The following TRHDE variants were observed in gnomAD, a reference collection of about 807,000 sequenced individuals.
The protein encoded by TRHDE is thyrotropin releasing hormone degrading enzyme.
A neutral mutation model predicts 125.7 loss-of-function variants in TRHDE; 72 were observed. The observed-to-expected ratio is 0.57, with a 90% CI of 0.47 to 0.70. TRHDE has a LOEUF of 0.70. Among genes scored for constraint, TRHDE ranks in the 30% least tolerant of loss-of-function variants. TRHDE has a pLI of 0.00. For synonymous variants in TRHDE, 509 were observed against 509.1 expected, an observed-to-expected ratio of 1.00 and a Z score of 0.00; for missense variants, 1,110 against 1,327.1, an observed-to-expected ratio of 0.84 and a Z score of 2.54.
intron 1 of TRHDE, among the ~76,000 whole-genome samples, chr12:72,088,743 A>G (rs540401955): frequency 6.6e-6 from 1 of 152,046 alleles, no homozygotes; most frequent in Admixed American, 6.5e-5. Context: ...CCGGGCTTTT[A>G]TTATTGAAGC....
intron 12 of TRHDE, among the ~76,000 whole-genome samples, chr12:72,604,359 G>A (rs1292175744): frequency 1.3e-5 from 2 of 151,998 alleles, no homozygotes; most frequent in Non-Finnish European, 2.9e-5. Context: ...GCCAGTTTCT[G>A]TCATTTTATC....
At chr12:72,660,683 A>T (rs1874882968) in intron 18 of TRHDE, among the ~76,000 whole-genome samples, 1 of 152,186 alleles carries the variant, frequency 6.6e-6, no homozygotes, top group Admixed American at 6.5e-5. Flanking sequence ...ATAATTGTCC[A>T]TGATCATCTC....
chr12:72,503,023 A>C (rs1008994557), intron 6 of TRHDE, among the ~76,000 whole-genome samples: 4 of 152,154 alleles, frequency 2.6e-5, no homozygotes, highest in African/African-American at 9.7e-5. Context: ...GTGCATAATG[A>C]GTAATAACCA....
chr12:72,328,410 A>G (rs1359977898), intron 2 of TRHDE, among the ~76,000 whole-genome samples: 1 of 151,414 alleles, frequency 6.6e-6, no homozygotes, highest in East Asian at 1.9e-4. Flanking sequence ...CAACATTCAC[A>G]TTTCTATTGG....
intron 1 of TRHDE, among the ~76,000 whole-genome samples, chr12:72,283,018 G>A (rs1879752206): frequency 6.6e-6 from 1 of 152,188 alleles, no homozygotes; most frequent in Non-Finnish European, 1.5e-5. Flanking sequence ...TGCCAACATT[G>A]AGAAACTCTG....
chr12:72,634,476 G>A (rs565215271), intron 15 of TRHDE, among the ~76,000 whole-genome samples: 2 of 151,274 alleles, frequency 1.3e-5, no homozygotes, highest in Non-Finnish European at 3.0e-5. Flanking sequence ...TAGTTTCAGA[G>A]GGAAAACATC....
chr12:72,379,602 T>C (rs973475048), intron 3 of TRHDE, among the ~76,000 whole-genome samples: 1 of 152,206 alleles, frequency 6.6e-6, no homozygotes, highest in Non-Finnish European at 1.5e-5. Flanking sequence ...ATGTGGATCT[T>C]TATTTGTCCC....
chr12:72,202,748 G>A (rs147887254), intron 2 of TRHDE, among the ~76,000 whole-genome samples: 29 of 152,118 alleles, frequency 1.9e-4, no homozygotes, highest in African/African-American at 6.5e-4. Flanking sequence ...CATGCAATTC[G>A]GAATATACCA....
intron 6 of TRHDE, among the ~76,000 whole-genome samples, chr12:72,525,634 T>TGTGTGAGA (rs1431758592): frequency 1.8e-4 from 18 of 98,842 alleles, no homozygotes; most frequent in African/African-American, 4.7e-4. Flanking sequence ...TGTGTGTGTG[T>TGTGTGAGA]GAGAGAGAGA....
intron 2 of TRHDE, chr12:72,255,911 C>G (rs1351589645): frequency 1.3e-5 from 2 of 152,176 alleles, no homozygotes; most frequent in African/African-American, 4.8e-5. Context: ...TTACCTACAA[C>G]CCATGTATAA....
chr12:72,379,561 C>T (rs1872051950), intron 3 of TRHDE, among the ~76,000 whole-genome samples: 1 of 152,174 alleles, frequency 6.6e-6, no homozygotes, highest in Non-Finnish European at 1.5e-5. Flanking sequence ...TTCACAAGTG[C>T]TTATATTGCA....
intron 15 of TRHDE, among the ~76,000 whole-genome samples, chr12:72,649,482 G>A (rs1315841856): frequency 6.6e-6 from 1 of 151,986 alleles, no homozygotes; most frequent in African/African-American, 2.4e-5. Flanking sequence ...CATGACATTG[G>A]TCTTGGCAAT....
intron 1 of TRHDE, among the ~76,000 whole-genome samples, chr12:72,285,192 C>T (rs1165172464): frequency 6.6e-6 from 1 of 152,022 alleles, no homozygotes; most frequent in Non-Finnish European, 1.5e-5. Context: ...AGATTCAATA[C>T]GCATGTCAAC....
At chr12:72,290,515 A>T (rs1880046123) in intron 2 of TRHDE, among the ~76,000 whole-genome samples, 1 of 152,222 alleles carries the variant, frequency 6.6e-6, no homozygotes, top group African/African-American at 2.4e-5. Context: ...TATTATGTTC[A>T]AAGTTTCTGT....
chr12:72,657,560 C>A (rs1461886657), intron 18 of TRHDE, among the ~76,000 whole-genome samples: 3 of 152,148 alleles, frequency 2.0e-5, no homozygotes, highest in Non-Finnish European at 4.4e-5. Flanking sequence ...TGCTTTAAAA[C>A]TGCTTGGTAC....
intron 7 of TRHDE, among the ~76,000 whole-genome samples, chr12:72,552,097 A>C (rs1175152169): frequency 6.6e-6 from 1 of 152,166 alleles, no homozygotes; most frequent in Non-Finnish European, 1.5e-5. Flanking sequence ...CTGTGCTAAG[A>C]AGATTCCATA....
intron 2 of TRHDE, among the ~76,000 whole-genome samples, chr12:72,316,885 A>G (rs1226107830): frequency 6.6e-6 from 1 of 152,236 alleles, no homozygotes; most frequent in Non-Finnish European, 1.5e-5. Context: ...GGTAGCTCAT[A>G]TAGGACCGCA....
At chr12:72,421,056 C>T (rs1275305683) in intron 3 of TRHDE, among the ~76,000 whole-genome samples, 7 of 151,946 alleles carry the variant, frequency 4.6e-5, no homozygotes, top group Admixed American at 3.9e-4. Flanking sequence ...GCAAGCTCCA[C>T]CTCCCAGGTG....
rs117746246 is a variant in TRHDE at position 72,211,671 on chromosome 12, G to A, written n.279+105919G>A. 4.6e-4 allele frequency among the ~76,000 whole-genome samples: 70 copies of A among 152,208 alleles called. 1 individual carries two copies. The East Asian group carries it at 0.012, about 26-fold the overall frequency. ...CAAAGCTATATAGACTGCTAGTCTT[G>A]AAGAATTCAGGAGATATAGATATTT... On this transcript the variant is annotated intron_variant and non_coding_transcript_variant, in intron 2 of 4. Coordinates refer to the TRHDE transcript ENST00000548156.
Sources: gnomAD v4.1 joint callset for allele counts (sites outside exome capture counted in the v4.1 genomes callset) on GRCh38, gnomAD v4.1.1 for gene constraint, MANE v1.5 for transcripts, NCBI Gene and HGNC (gene_info 2026-07-23, HGNC 2026-07-21) for gene names.